Variants in VMP1 observed in about 807,000 individuals in gnomAD.
The protein encoded by VMP1 is vacuole membrane protein 1.
A neutral mutation model predicts 56.0 loss-of-function variants in VMP1; 11 were observed. The ratio of observed to expected loss-of-function variants is 0.20; its 90% CI spans 0.12 to 0.32. The LOEUF is 0.32. VMP1 is among the 10% of genes least tolerant of loss of function. VMP1 has a pLI of 1.00. For missense variants in VMP1, 296 were observed against 490.3 expected, an observed-to-expected ratio of 0.60 and a Z score of 3.74; for synonymous variants, 149 against 165.0, an observed-to-expected ratio of 0.90 and a Z score of 0.74.
intron 6 of VMP1, among the ~76,000 whole-genome samples, chr17:59,769,187 C>G (rs1265538371): frequency 6.8e-6 from 1 of 146,262 alleles, no homozygotes; most frequent in African/African-American, 2.5e-5. Flanking sequence ...CAGAGTTTCG[C>G]TCTTGTTGCC....
chr17:59,810,610 G>T (rs2038024476), intron 8 of VMP1, among the ~76,000 whole-genome samples: 1 of 152,118 alleles, frequency 6.6e-6, no homozygotes, highest in South Asian at 2.1e-4. Flanking sequence ...ATTATTATAT[G>T]GTTGTAAGAG....
At chr17:59,835,515 AGTTTC>A (rs2038953687) in intron 10 of VMP1, among the ~76,000 whole-genome samples, 10 of 142,094 alleles carry the variant, frequency 7.0e-5, no homozygotes, top group Admixed American at 5.6e-4. Flanking sequence ...TTTGAGACAG[AGTTTC>A]ACTCTCGTTG....
chr17:59,785,231 T>C (rs2645469), intron 7 of VMP1, among the ~76,000 whole-genome samples: 131,786 of 152,208 alleles, frequency 0.87, 57,260 homozygotes, highest in East Asian at 0.96. Context: ...TTCCTAAATG[T>C]CATCTGTTTT....
At chr17:59,807,894 A>G (rs908321614) in intron 7 of VMP1, among the ~76,000 whole-genome samples, 2 of 152,002 alleles carry the variant, frequency 1.3e-5, no homozygotes, top group African/African-American at 4.8e-5. Flanking sequence ...TATGATATGA[A>G]GACTTATTAA....
intron 5 of VMP1, among the ~76,000 whole-genome samples, chr17:59,754,049 GAA>G: frequency 6.6e-6 from 1 of 152,232 alleles, no homozygotes; most frequent in Middle Eastern, 3.4e-3. Context: ...TAGATACAAA[GAA>G]AATTGTGAGA....
At chr17:59,838,675 T>C (rs552882136) in intron 11 of VMP1, 33 of 369,380 alleles carry the variant, frequency 8.9e-5, no homozygotes, top group Non-Finnish European at 1.2e-4. Context: ...TCTTAAATGA[T>C]GTATTGGTAG....
In VMP1 at chr17:59,840,228, C is replaced by G. The variant is rs753071850; in HGVS notation, c.*317C>G. The G allele has an allele frequency of 4.0e-6, 1 of 249,998 alleles. No homozygotes were observed. The highest frequency in any genetic ancestry group is 7.6e-6 in the Non-Finnish European group (1 of 131,094). The allele number at this position is 249,998 out of a possible 1,614,324, so 15.5% of individuals were successfully genotyped here. On this transcript the variant is annotated 3_prime_UTR_variant, in exon 12 of 12. Coordinates refer to ENST00000262291, the MANE Select transcript of VMP1 (RefSeq NM_030938.5). ...CATGATACAATTAGAGAATTCCCAC[C>G]GCACAAAAAAAGTTCCTAAGTATGT...
At chr17:59,792,593 G>T (rs1028038329) in intron 7 of VMP1, among the ~76,000 whole-genome samples, 1 of 151,576 alleles carries the variant, frequency 6.6e-6, no homozygotes, top group African/African-American at 2.4e-5. Context: ...GGCTGGGCAC[G>T]GTGGCTCATG....
At chr17:59,767,543 G>A (rs1377921196) in intron 6 of VMP1, among the ~76,000 whole-genome samples, 1 of 152,084 alleles carries the variant, frequency 6.6e-6, no homozygotes, top group Non-Finnish European at 1.5e-5. Flanking sequence ...ATGTAAATTT[G>A]TCTTTTTTTC....
At chr17:59,763,700 A>G (rs2036138191) in intron 5 of VMP1, among the ~76,000 whole-genome samples, 1 of 152,188 alleles carries the variant, frequency 6.6e-6, no homozygotes, top group Non-Finnish European at 1.5e-5. Flanking sequence ...TTTGAACCAC[A>G]GATTCTTTCA....
intron 1 of VMP1, among the ~76,000 whole-genome samples, chr17:59,724,532 C>T (rs564079918): frequency 4.6e-5 from 7 of 152,114 alleles, no homozygotes; most frequent in East Asian, 3.9e-4. Flanking sequence ...ATTAGCCTGT[C>T]GTGGTGGTGC....
rs749291948 is a variant in VMP1, at chr17:59,731,541, C to T, written c.76+19C>T. ...TTCACAGGTAAATTTTGATGGTTTG[C>T]AGGGAGGAGTGCTATGGGTTTAAAT... On this transcript the variant is annotated intron_variant, in intron 2 of 11. Transcript: ENST00000262291. The T allele has an allele frequency of 6.4e-7, 1 of 1,558,006 alleles. No individual in the cohort carries two copies. Among genetic ancestry groups the T allele is most frequent in the Admixed American group, 2.0e-5 (1 of 49,354 alleles).
In VMP1 at chr17:59,823,764, C is replaced by T. The variant is rs146181898; in HGVS notation, c.974+5991C>T. The stretch of plus-strand genomic sequence containing the variant: ...AGACTCTGCCTCAAAAAAAAAAAAT[C>T]GCTGAATGGTATAGCAAATCATCAA... On this transcript the variant is annotated intron_variant, in intron 10 of 11. Coordinates refer to ENST00000262291, the MANE Select transcript of VMP1 (RefSeq NM_030938.5). Among the ~76,000 whole-genome samples the T allele has an allele frequency of 6.4e-4, 97 of 150,500 alleles. No individual in the cohort carries two copies. The East Asian group carries it at 0.018, about 28-fold the overall frequency.
chr17:59,731,555 A>T lies in VMP1; in HGVS notation c.76+33A>T, dbSNP rs370802656. On this transcript the variant is annotated intron_variant, in intron 2 of 11. Transcript: ENST00000262291. ...TTGATGGTTTGCAGGGAGGAGTGCT[A>T]TGGGTTTAAATGATATACTTTTCAT... 4.3e-5 allele frequency: 62 copies of T among 1,438,740 alleles called. No homozygotes were observed. The African/African-American group carries it at 6.7e-4, about 16-fold the overall frequency. The allele number at this position is 1,438,740 out of a possible 1,614,324, so 89.1% of individuals were successfully genotyped here.
At chr17:59,712,154 T>C (rs2033958070) in intron 1 of VMP1, among the ~76,000 whole-genome samples, 1 of 152,206 alleles carries the variant, frequency 6.6e-6, no homozygotes, top group South Asian at 2.1e-4. Flanking sequence ...ATTGTGATCA[T>C]TATCATCATG....
intron 7 of VMP1, among the ~76,000 whole-genome samples, chr17:59,791,514 CAG>C (rs2037228586): frequency 9.5e-6 from 1 of 104,840 alleles, no homozygotes; most frequent in Admixed American, 1.2e-4. Flanking sequence ...TTTTTTGAGA[CAG>C]AGTCTCACTC....
intron 5 of VMP1, among the ~76,000 whole-genome samples, chr17:59,739,261 A>C (rs955506971): frequency 1.3e-5 from 2 of 152,248 alleles, no homozygotes; most frequent in African/African-American, 4.8e-5. Flanking sequence ...TAATAAATGA[A>C]GTCCATTTAA....
At chr17:59,784,142 T>TGTGTGTGTGAGA (rs556387089) in intron 7 of VMP1, among the ~76,000 whole-genome samples, 42 of 130,458 alleles carry the variant, frequency 3.2e-4, no homozygotes, top group South Asian at 2.2e-3. Context: ...TGTGTGTGTG[T>TGTGTGTGTGAGA]GAGAGAGAGA....
At chr17:59,809,865 C>T (rs1955262916) in intron 8 of VMP1, among the ~76,000 whole-genome samples, 1 of 151,994 alleles carries the variant, frequency 6.6e-6, no homozygotes, top group Admixed American at 6.6e-5. Flanking sequence ...TGTTTATTGG[C>T]TTTTAAGTAT....
Sources: gnomAD v4.1 joint callset for allele counts (sites outside exome capture counted in the v4.1 genomes callset) on GRCh38, gnomAD v4.1.1 for gene constraint, MANE v1.5 for transcripts, NCBI Gene and HGNC (gene_info 2026-07-23, HGNC 2026-07-21) for gene names.